Variants in DDX10 observed in about 807,000 individuals in gnomAD.
The protein encoded by DDX10 is DEAD-box helicase 10, also known as probable ATP-dependent RNA helicase DDX10.
DDX10 carries 74 observed loss-of-function variants against 104.3 expected under a neutral mutation model. The observed-to-expected ratio is 0.71, with a 90% CI of 0.59 to 0.86. The LOEUF (loss-of-function observed/expected upper bound fraction) is 0.86, where lower values mean the gene tolerates loss of function less well. Among genes scored for constraint, DDX10 ranks in the 40% least tolerant of loss-of-function variants. The pLI is 0.00. For synonymous variants in DDX10, 351 were observed against 353.4 expected (o/e 0.99, Z 0.08); for missense variants, 952 against 1,040.0 (o/e 0.92, Z 1.16).
chr11:108,879,028 G>A (rs1159953001), intron 16 of DDX10, among the ~76,000 whole-genome samples: 1 of 151,938 alleles, frequency 6.6e-6, no homozygotes, highest in Non-Finnish European at 1.5e-5. Context: ...TTTTGGAGAC[G>A]GAGTCTTGCT....
chr11:108,675,692 C>T lies in DDX10; in HGVS notation c.344C>T (p.Thr115Ile). ...QGKDVLGAAK[T>I]GSGKTLAFLV... ...AAAGATGTACTTGGAGCGGCCAAAA[C>T]TGGATCTGGCAAGACTCTGGCTTTT... is the stretch of plus-strand genomic sequence containing the variant. Residue 115 changes from threonine to isoleucine, a missense_variant, in exon 3 of 18, where the codon ACT becomes ATT. Physicochemically the swap from Thr to Ile is moderately conservative, Grantham distance 89. Transcript: ENST00000322536. The T allele has an allele frequency of 6.2e-7, 1 of 1,614,226 alleles. No homozygotes were observed. Among genetic ancestry groups the T allele is most frequent in the Non-Finnish European group, 8.5e-7 (1 of 1,180,032 alleles).
At chr11:108,866,345 G>A (rs952990034) in intron 16 of DDX10, among the ~76,000 whole-genome samples, 3 of 152,102 alleles carry the variant, frequency 2.0e-5, no homozygotes, top group Non-Finnish European at 4.4e-5. Context: ...GAGAGGATTC[G>A]GCAATGAGAG....
chr11:108,912,348 T>C (rs1250994253), intron 16 of DDX10, among the ~76,000 whole-genome samples: 1 of 152,200 alleles, frequency 6.6e-6, no homozygotes, highest in Non-Finnish European at 1.5e-5. Flanking sequence ...ATAATACCCC[T>C]GTAATCCATA....
intron 9 of DDX10, among the ~76,000 whole-genome samples, chr11:108,701,660 CT>C (rs1332620477): frequency 9.1e-6 from 1 of 110,050 alleles, no homozygotes; most frequent in Non-Finnish European, 2.1e-5. Context: ...GGTGTTTTTT[CT>C]TTCTTCTTCT....
chr11:108,845,917 C>T (rs1005036271), intron 15 of DDX10, among the ~76,000 whole-genome samples: 3 of 152,142 alleles, frequency 2.0e-5, no homozygotes, highest in Non-Finnish European at 1.5e-5. Context: ...TGCATGTGCA[C>T]TCATTCTTAG....
rs376839219 is a variant in DDX10, at chr11:108,747,846, AGTT to A, written c.1965+24388_1965+24390del. On this transcript the variant is annotated intron_variant, in intron 13 of 17. Transcript: ENST00000322536. ...TGACCCTAAAGTTACCGATTCATGA[AGTT>A]GTTCTTGTTAGTACCATGTTTATCA... is the stretch of plus-strand genomic sequence containing the variant. 2.0e-4 allele frequency among the ~76,000 whole-genome samples: 31 copies of A among 152,228 alleles called. 1 individual carries two copies. Among genetic ancestry groups the A allele is most frequent in the East Asian group, 9.7e-4 (5 of 5,172 alleles).
At chr11:108,765,149 A>T (rs975367014) in intron 13 of DDX10, among the ~76,000 whole-genome samples, 3 of 152,180 alleles carry the variant, frequency 2.0e-5, no homozygotes, top group African/African-American at 7.2e-5. Flanking sequence ...TATTTTGCCA[A>T]TTCCCTAAAG....
chr11:108,898,869 C>T (rs898617842), intron 16 of DDX10, among the ~76,000 whole-genome samples: 4 of 152,074 alleles, frequency 2.6e-5, no homozygotes, highest in African/African-American at 7.2e-5. Flanking sequence ...GAGAACTTCC[C>T]CTTTGCCTTC....
At chr11:108,699,966 C>A (rs1308545639) in intron 9 of DDX10, among the ~76,000 whole-genome samples, 1 of 152,116 alleles carries the variant, frequency 6.6e-6, no homozygotes, top group Non-Finnish European at 1.5e-5. Flanking sequence ...TTTGTATACT[C>A]GGTTACAAAG....
At chr11:108,743,445 C>A (rs534777115) in intron 13 of DDX10, among the ~76,000 whole-genome samples, 4 of 152,308 alleles carry the variant, frequency 2.6e-5, no homozygotes, top group African/African-American at 9.6e-5. Context: ...AAGCTGGACA[C>A]ATTCCCCTTA....
chr11:108,857,184 T>C (rs1330444196), intron 16 of DDX10, among the ~76,000 whole-genome samples: 2 of 152,010 alleles, frequency 1.3e-5, no homozygotes, highest in Non-Finnish European at 2.9e-5. Flanking sequence ...TGTATGTTGC[T>C]TTTTTTTCTT....
At chr11:108,700,615 G>C (rs1947929) in intron 9 of DDX10, among the ~76,000 whole-genome samples, 25 of 152,232 alleles carry the variant, frequency 1.6e-4, no homozygotes, top group Admixed American at 2.6e-4. Flanking sequence ...CTTTGGACTA[G>C]GAGAGATAGA....
At chr11:108,818,336 T>G (rs1017033953) in intron 13 of DDX10, among the ~76,000 whole-genome samples, 1 of 152,210 alleles carries the variant, frequency 6.6e-6, no homozygotes, top group Non-Finnish European at 1.5e-5. Context: ...TCCTGGAGTT[T>G]CTCAAATAGC....
chr11:108,933,001 T>C (rs1274456860), intron 17 of DDX10, among the ~76,000 whole-genome samples: 1 of 151,904 alleles, frequency 6.6e-6, no homozygotes, highest in Non-Finnish European at 1.5e-5. Flanking sequence ...CTGTGCTACA[T>C]GCTGTTAAAG....
intron 11 of DDX10, among the ~76,000 whole-genome samples, chr11:108,716,625 C>A (rs1325108993): frequency 6.6e-6 from 1 of 151,944 alleles, no homozygotes; most frequent in East Asian, 1.9e-4. Context: ...TAATATCTTC[C>A]TACATTAGAT....
chr11:108,700,804 T>G (rs1336859456), intron 9 of DDX10, among the ~76,000 whole-genome samples: 1 of 152,226 alleles, frequency 6.6e-6, no homozygotes, highest in Non-Finnish European at 1.5e-5. Context: ...AGTATAATTT[T>G]AGGTAGCAGT....
chr11:108,852,182 A>G lies in DDX10; in HGVS notation c.2277A>G (p.Arg759=), dbSNP rs1478878050. The part of the protein sequence containing the change: ...REKRLKEREA[R]REANKRQAKA... Reference sequence around the variant, plus strand: ...AAAGACTGAAAGAAAGGGAAGCCAGAAGAGAAGCCAACAAGAGACAAGCAA... The same window carrying G: ...AAAGACTGAAAGAAAGGGAAGCCAGGAGAGAAGCCAACAAGAGACAAGCAA... The change falls in exon 16 of 18, where the codon AGA becomes AGG. Residue 759 remains arginine, a synonymous_variant. Coordinates refer to ENST00000322536, the MANE Select transcript of DDX10 (RefSeq NM_004398.4). 4 of 1,611,492 alleles carry G rather than the reference A, an allele frequency of 2.5e-6. No homozygotes were observed. Among genetic ancestry groups the G allele is most frequent in the Non-Finnish European group, 3.4e-6 (4 of 1,178,428 alleles).
chr11:108,810,550 G>T (rs1301262780), intron 13 of DDX10, among the ~76,000 whole-genome samples: 1 of 152,040 alleles, frequency 6.6e-6, no homozygotes, highest in Non-Finnish European at 1.5e-5. Flanking sequence ...GTTGAGAGTG[G>T]TGCGAAATTT....
intron 16 of DDX10, among the ~76,000 whole-genome samples, chr11:108,867,526 A>G (rs2134619960): frequency 6.6e-6 from 1 of 152,320 alleles, no homozygotes; most frequent in Non-Finnish European, 1.5e-5. Flanking sequence ...AGAACCTGGA[A>G]GTGAACAAAA....
Sources: gnomAD v4.1 joint callset for allele counts (sites outside exome capture counted in the v4.1 genomes callset) on GRCh38, gnomAD v4.1.1 for gene constraint, MANE v1.5 for transcripts, NCBI Gene and HGNC (gene_info 2026-07-23, HGNC 2026-07-21) for gene names.